SCAMP5: variants seen among roughly 807,000 people sequenced by gnomAD.
SCAMP5 encodes secretory carrier membrane protein 5.
In SCAMP5, 7 loss-of-function variants were observed where a neutral mutation model predicts 28.3. That is an observed-to-expected ratio of 0.25 (90% CI 0.14 to 0.46). SCAMP5 has a LOEUF of 0.46. SCAMP5 is among the 20% of genes least tolerant of loss of function. SCAMP5 has a pLI of 0.99. For missense variants in SCAMP5, 192 were observed against 312.5 expected, an observed-to-expected ratio of 0.61 and a Z score of 2.91; for synonymous variants, 117 against 116.4, an observed-to-expected ratio of 1.00 and a Z score of -0.03.
chr15:75,018,750 C>G lies in SCAMP5; in HGVS notation c.514-39C>G. 1 of 1,498,234 alleles carries G rather than the reference C, an allele frequency of 6.7e-7. No homozygotes were observed. Among genetic ancestry groups the G allele is most frequent in the Non-Finnish European group, 9.2e-7 (1 of 1,081,236 alleles). The allele number at this position is 1,498,234 out of a possible 1,614,324, so 92.8% of individuals were successfully genotyped here. On this transcript the variant is annotated intron_variant, in intron 6 of 6. Transcript: ENST00000425597. This position sits in a 1 kb window ranked among gnomAD's most constrained non-coding sequence, Gnocchi z 5.6. ...CTATTTCCTGGATGGGCTGCCTTTT[C>G]TCTTTGATTAACCCTTCTTTACGCT...
intron 1 of SCAMP5, among the ~76,000 whole-genome samples, chr15:75,003,726 C>T (rs547169235): frequency 6.6e-6 from 1 of 152,202 alleles, no homozygotes; most frequent in South Asian, 2.1e-4. Flanking sequence ...GGGAGGATTG[C>T]TTGAGCCCAG....
chr15:75,003,528 G>C (rs1011225012), intron 1 of SCAMP5, among the ~76,000 whole-genome samples: 6 of 152,154 alleles, frequency 3.9e-5, no homozygotes, highest in African/African-American at 1.4e-4. Flanking sequence ...AGGGCAATGG[G>C]CTGGGCACAG....
At chr15:75,005,981 C>CTTTTTTTTTTTTTTTT (rs527501720) in intron 1 of SCAMP5, among the ~76,000 whole-genome samples, 15 of 81,016 alleles carry the variant, frequency 1.9e-4, no homozygotes, top group East Asian at 1.4e-3. Flanking sequence ...CTCGGCCTCC[C>CTTTTTTTTTTTTTTTT]TTTTTTTTTT....
Position 75,018,733 on chromosome 15 carries a change from T to C in SCAMP5, c.514-56T>C. The C allele has an allele frequency of 7.3e-7, 1 of 1,364,442 alleles. No homozygotes were observed. The highest frequency in any genetic ancestry group is 1.0e-6 in the Non-Finnish European group (1 of 961,678). The allele number at this position is 1,364,442 out of a possible 1,614,324, so 84.5% of individuals were successfully genotyped here. On this transcript the variant is annotated intron_variant, in intron 6 of 6. Coordinates refer to ENST00000425597, the MANE Select transcript of SCAMP5 (RefSeq NM_138967.4). The surrounding 1 kb of genome is among the most constrained non-coding windows in gnomAD (Gnocchi z 5.6). The stretch of plus-strand genomic sequence containing the variant: ...TTACAGATGGGTCCCATCTATTTCC[T>C]GGATGGGCTGCCTTTTCTCTTTGAT...
rs2065654237 is a variant in SCAMP5, at chr15:74,996,397, G to A, written c.-49+724G>A. On this transcript the variant is annotated intron_variant, in intron 1 of 6. Transcript: ENST00000425597. This position sits in a 1 kb window ranked among gnomAD's most constrained non-coding sequence, Gnocchi z 4.1. Reference sequence around the variant, plus strand: ...CTGTGGGTTGGGGGAACCAAGTAGAGACTCGGACTGAGCATTCACTGTCAC... The same window carrying A: ...CTGTGGGTTGGGGGAACCAAGTAGAAACTCGGACTGAGCATTCACTGTCAC... The A allele has an allele frequency of 6.6e-6, 1 of 152,472 alleles. No individual in the cohort carries two copies. Among genetic ancestry groups the A allele is most frequent in the African/African-American group, 2.4e-5 (1 of 41,476 alleles). The allele number at this position is 152,472 out of a possible 1,614,324, so 9.4% of individuals were successfully genotyped here.
In SCAMP5 at chr15:75,002,949, G is replaced by T. The variant is rs2065723193; in HGVS notation, c.-49+7276G>T. On this transcript the variant is annotated intron_variant, in intron 1 of 6. Transcript: ENST00000425597. ...GGCATTTTTATTTTTATTTTTTGGA[G>T]ATTGAGTCTGGCTCTGTCACTCAGG... is the stretch of plus-strand genomic sequence containing the variant. Among the ~76,000 whole-genome samples the T allele has an allele frequency of 2.0e-5, 3 of 151,956 alleles. No individual in the cohort carries two copies. In the South Asian group the frequency reaches 6.2e-4, roughly 31 times the overall value.
chr15:75,004,402 G>A (rs1195184108), intron 1 of SCAMP5, among the ~76,000 whole-genome samples: 1 of 152,116 alleles, frequency 6.6e-6, no homozygotes, highest in Non-Finnish European at 1.5e-5. Context: ...ACCAGACACT[G>A]CTTCTAAAGA....
rs978201071 is a variant in SCAMP5 at position 74,996,895 on chromosome 15, C to A, written c.-49+1222C>A. On this transcript the variant is annotated intron_variant, in intron 1 of 6. Transcript: ENST00000425597. This position sits in a 1 kb window ranked among gnomAD's most constrained non-coding sequence, Gnocchi z 4.1. ...GAGGGGGCTGTCTCTGGTGAATGGGCCCCTGAAAGAGGGTCTTAGGTTTAG... is the reference window on the plus strand; with the variant it reads ...GAGGGGGCTGTCTCTGGTGAATGGGACCCTGAAAGAGGGTCTTAGGTTTAG... 5.3e-5 allele frequency among the ~76,000 whole-genome samples: 8 copies of A among 152,070 alleles called. No homozygotes were observed. The highest frequency in any genetic ancestry group is 1.9e-4 in the African/African-American group (8 of 41,406).
chr15:75,000,520 G>C (rs2065694301), intron 1 of SCAMP5, among the ~76,000 whole-genome samples: 1 of 152,028 alleles, frequency 6.6e-6, no homozygotes, highest in South Asian at 2.1e-4. Context: ...GAGTAGCTGG[G>C]ACTACGGGCC....
Position 75,020,622 on chromosome 15 carries a change from T to A in SCAMP5, c.*1639T>A, listed in dbSNP as rs2141462371. On this transcript the variant is annotated 3_prime_UTR_variant, in exon 7 of 7. Coordinates refer to ENST00000425597, the MANE Select transcript of SCAMP5 (RefSeq NM_138967.4). The stretch of plus-strand genomic sequence containing the variant: ...TTCTGTTCCAAGCAGTGTGAGAACA[T>A]GGCTGGTAGAGGCTCTAGCTGTGTG... The A allele has an allele frequency of 6.6e-6, 1 of 152,332 alleles. No homozygotes were observed. The highest frequency in any genetic ancestry group is 2.1e-4 in the South Asian group (1 of 4,824). 9.4% of individuals were successfully genotyped at this position (152,332 alleles called of 1,614,324 possible).
chr15:75,012,995 G>A (rs1181786102), intron 3 of SCAMP5, 190 bp downstream of exon 3: 2 of 599,768 alleles, frequency 3.3e-6, no homozygotes, highest in East Asian at 2.9e-5. Context: ...TCCCCGACTG[G>A]GCCTCAGTTT....
chr15:75,012,351 A>T (rs6495138), intron 2 of SCAMP5, among the ~76,000 whole-genome samples: 2 of 152,098 alleles, frequency 1.3e-5, no homozygotes, highest in Admixed American at 1.3e-4. Context: ...AGATTCTCAC[A>T]CATCCGCTTC....
intron 1 of SCAMP5, among the ~76,000 whole-genome samples, chr15:75,007,431 G>A (rs932989639): frequency 3.3e-5 from 5 of 152,024 alleles, no homozygotes; most frequent in African/African-American, 1.2e-4. Flanking sequence ...TCTGCCGCCC[G>A]GGCTGGAGTG....
Position 75,011,819 on chromosome 15 carries a change from A to G in SCAMP5, c.-21A>G. 1 of 1,611,856 alleles carries G rather than the reference A, an allele frequency of 6.2e-7. No individual in the cohort carries two copies. The highest frequency in any genetic ancestry group is 8.5e-7 in the Non-Finnish European group (1 of 1,178,114). On this transcript the variant is annotated 5_prime_UTR_variant, in exon 2 of 7. Transcript: ENST00000425597. ...CAGGACAAAGAGGTGTGGGCAGGCC[A>G]CTGGGCCAGCTGGTAACATCATGGC...
At chr15:75,013,418 G>A (rs947642286) in intron 3 of SCAMP5, among the ~76,000 whole-genome samples, 3 of 152,188 alleles carry the variant, frequency 2.0e-5, no homozygotes, top group South Asian at 2.1e-4. Context: ...AGAGTCTAAT[G>A]TCAGGCACAG....
At chr15:75,000,447 C>T (rs1247490808) in intron 1 of SCAMP5, among the ~76,000 whole-genome samples, 6 of 151,882 alleles carry the variant, frequency 4.0e-5, no homozygotes, top group African/African-American at 1.5e-4. Context: ...TGCAGTGGCA[C>T]AATCTCGGCT....
In SCAMP5 at chr15:75,018,091, G is replaced by A. The variant is rs1328299347; in HGVS notation, c.395+120G>A. 4 of 683,048 alleles carry A rather than the reference G, an allele frequency of 5.9e-6. No homozygotes were observed. The highest frequency in any genetic ancestry group is 2.5e-5 in the East Asian group (1 of 39,852). The allele number at this position is 683,048 out of a possible 1,614,324, so 42.3% of individuals were successfully genotyped here. ...GCCTGAGTGATGGGTTGTTGGGAGAGTGAGAGGATTCGGGATAGTGTAGTA... is the reference window on the plus strand; with the variant it reads ...GCCTGAGTGATGGGTTGTTGGGAGAATGAGAGGATTCGGGATAGTGTAGTA... On this transcript the variant is annotated intron_variant, in intron 5 of 6. Coordinates refer to ENST00000425597, the MANE Select transcript of SCAMP5 (RefSeq NM_138967.4). This position sits in a 1 kb window ranked among gnomAD's most constrained non-coding sequence, Gnocchi z 5.6.
intron 1 of SCAMP5, among the ~76,000 whole-genome samples, chr15:75,010,746 C>T (rs767192315): frequency 7.2e-5 from 11 of 152,098 alleles, no homozygotes; most frequent in African/African-American, 2.7e-4. Context: ...TGCCACTTTA[C>T]TCCAGCCTGG....
intron 1 of SCAMP5, among the ~76,000 whole-genome samples, chr15:75,005,793 C>T (rs764948230): frequency 6.6e-5 from 10 of 151,994 alleles, no homozygotes; most frequent in South Asian, 2.1e-4. Context: ...GGCGCGATCT[C>T]GTCTTACTGC....
Sources: gnomAD v4.1 joint callset for allele counts (sites outside exome capture counted in the v4.1 genomes callset) on GRCh38, gnomAD v4.1.1 for gene constraint, Gnocchi (gnomAD v3.1) non-coding constraint, MANE v1.5 for transcripts, NCBI Gene and HGNC (gene_info 2026-07-23, HGNC 2026-07-21) for gene names.